Variants in TTC23 observed in about 807,000 individuals in gnomAD.
The protein encoded by TTC23 is tetratricopeptide repeat protein 23.
Under a neutral mutation model 55.1 loss-of-function variants are expected in TTC23, and 58 were observed. The observed-to-expected ratio is 1.05, with a 90% CI of 0.85 to 1.31. The LOEUF (loss-of-function observed/expected upper bound fraction) is 1.31. TTC23 is among the 50% of genes most tolerant of loss of function. The pLI is 0.00. For synonymous variants in TTC23, 203 were observed against 199.9 expected, an observed-to-expected ratio of 1.02 and a Z score of -0.13; for missense variants, 516 against 534.4, an observed-to-expected ratio of 0.97 and a Z score of 0.34.
intron 10 of TTC23, among the ~76,000 whole-genome samples, chr15:99,169,125 T>A (rs149033042): frequency 6.6e-6 from 1 of 152,272 alleles, no homozygotes; most frequent in African/African-American, 2.4e-5. Context: ...TTCCCCTTTC[T>A]CCCTCACTCC....
chr15:99,225,951 C>T (rs2078371232), intron 5 of TTC23, among the ~76,000 whole-genome samples: 1 of 152,198 alleles, frequency 6.6e-6, no homozygotes, highest in African/African-American at 2.4e-5. Context: ...AGGAGCGCCC[C>T]ATGTCACACC....
intron 9 of TTC23, among the ~76,000 whole-genome samples, chr15:99,181,723 C>T (rs2074133789): frequency 6.6e-6 from 1 of 152,126 alleles, no homozygotes. Flanking sequence ...TTCATGGCCA[C>T]ACACCCCTTG....
chr15:99,159,058 T>G (rs1412558170), intron 11 of TTC23: 1 of 152,402 alleles, frequency 6.6e-6, no homozygotes, highest in East Asian at 1.9e-4. Context: ...GGGCTGGCAG[T>G]GGCCCTAGAA....
chr15:99,162,043 T>C (rs1193521210), intron 10 of TTC23, among the ~76,000 whole-genome samples, 176 bp from the exon 11 acceptor site: 2 of 152,202 alleles, frequency 1.3e-5, no homozygotes, highest in African/African-American at 2.4e-5. Flanking sequence ...AGGATTTAGG[T>C]CTTGAAGGAT....
intron 12 of TTC23, chr15:99,140,791 A>G (rs1237385093): frequency 2.6e-5 from 4 of 152,230 alleles, no homozygotes; most frequent in African/African-American, 9.6e-5. Flanking sequence ...AAAATTCACC[A>G]TAAGCAAAGT....
upstream of TTC23, among the ~76,000 whole-genome samples, chr15:99,250,754 A>G (rs1293845151): frequency 6.6e-6 from 1 of 152,142 alleles, no homozygotes; most frequent in Non-Finnish European, 1.5e-5. Context: ...ATTGTTCCTG[A>G]CCTTTTTAGC....
chr15:99,193,982 C>T (rs1395372308), intron 9 of TTC23, among the ~76,000 whole-genome samples: 5 of 150,726 alleles, frequency 3.3e-5, no homozygotes, highest in Non-Finnish European at 5.9e-5. Flanking sequence ...GCACTCCAGC[C>T]TGGGTGGCAA....
intron 5 of TTC23, among the ~76,000 whole-genome samples, chr15:99,226,743 G>C (rs539905771): frequency 1.3e-5 from 2 of 152,064 alleles, no homozygotes; most frequent in Non-Finnish European, 2.9e-5. Flanking sequence ...CTCCACACTG[G>C]CTCTTCTCTT....
At chr15:99,139,718 A>C in intron 12 of TTC23, 2 of 1,355,080 alleles carry the variant, frequency 1.5e-6, no homozygotes, top group Non-Finnish European at 2.0e-6. Flanking sequence ...TCCAGTTTCT[A>C]TTTTTAAATG....
chr15:99,138,162 C>G, intron 13 of TTC23, 35 bp from the exon 14 acceptor site: 6 of 1,607,232 alleles, frequency 3.7e-6, no homozygotes, highest in Non-Finnish European at 5.1e-6. Flanking sequence ...GAGTGTGGTG[C>G]CCCTCAGCCC....
intron 12 of TTC23, among the ~76,000 whole-genome samples, chr15:99,150,816 G>C (rs1316691094): frequency 6.6e-6 from 1 of 152,190 alleles, no homozygotes; most frequent in Non-Finnish European, 1.5e-5. Flanking sequence ...CCCTTCACCT[G>C]GCAAACCTGG....
intron 9 of TTC23, among the ~76,000 whole-genome samples, chr15:99,194,169 G>T (rs2075492290): frequency 6.6e-6 from 1 of 152,060 alleles, no homozygotes; most frequent in Non-Finnish European, 1.5e-5. Context: ...GTCAAGATGT[G>T]AATTCTTCCC....
At chr15:99,191,908 G>A (rs1236308717) in intron 9 of TTC23, among the ~76,000 whole-genome samples, 1 of 152,204 alleles carries the variant, frequency 6.6e-6, no homozygotes, top group Non-Finnish European at 1.5e-5. Context: ...GCCTGATAGT[G>A]ATATGGACAA....
chr15:99,190,325 T>C (rs576439998), intron 9 of TTC23, among the ~76,000 whole-genome samples: 1 of 149,838 alleles, frequency 6.7e-6, no homozygotes, highest in East Asian at 2.0e-4. Context: ...CAGGCTGGAG[T>C]GCAGTGATGT....
At chr15:99,147,408 G>A (rs2069066828) in intron 12 of TTC23, among the ~76,000 whole-genome samples, 1 of 151,868 alleles carries the variant, frequency 6.6e-6, no homozygotes, top group African/African-American at 2.4e-5. Flanking sequence ...TGTATTTTTA[G>A]TAGAGATGGA....
intron 3 of TTC23, among the ~76,000 whole-genome samples, chr15:99,236,667 T>G (rs2079343967): frequency 6.6e-6 from 1 of 152,002 alleles, no homozygotes; most frequent in Non-Finnish European, 1.5e-5. Flanking sequence ...GGATTATAGG[T>G]GTGAGGCATT....
chr15:99,138,989 G>A, intron 13 of TTC23: 1 of 407,344 alleles, frequency 2.5e-6, no homozygotes, highest in Non-Finnish European at 4.6e-6. Context: ...CGAGGGCAGA[G>A]GGAAGCCGGA....
At chr15:99,243,127 T>C (rs62025703) in intron 2 of TTC23, among the ~76,000 whole-genome samples, 20,851 of 152,108 alleles carry the variant, frequency 0.14, 1,463 homozygotes, top group African/African-American at 0.15. Context: ...AACCAGAATA[T>C]ATAAGGAGCT....
intron 13 of TTC23, 144 bp downstream of exon 13, chr15:99,139,173 A>T: frequency 2.0e-6 from 2 of 1,022,334 alleles, no homozygotes; most frequent in Non-Finnish European, 2.9e-6. Context: ...CGGGTTTCAA[A>T]GGAACTTGTC....
Sources: gnomAD v4.1 joint callset for allele counts (sites outside exome capture counted in the v4.1 genomes callset) on GRCh38, gnomAD v4.1.1 for gene constraint, MANE v1.5 for transcripts, NCBI Gene and HGNC (gene_info 2026-07-23, HGNC 2026-07-21) for gene names.